The following ACBD3 variants were observed in gnomAD, a reference collection of about 807,000 sequenced individuals.
The protein encoded by ACBD3 is Golgi resident protein GCP60.
A neutral mutation model predicts 66.9 loss-of-function variants in ACBD3; 30 were observed. The observed-to-expected ratio is 0.45, with a 90% confidence interval of 0.34 to 0.61. The LOEUF (loss-of-function observed/expected upper bound fraction) is 0.61, where lower values mean the gene tolerates loss of function less well. Among genes scored for constraint, ACBD3 ranks in the 20% least tolerant of loss-of-function variants. The pLI is 0.02. For synonymous variants in ACBD3, 278 were observed against 259.8 expected (o/e 1.07, Z -0.68); for missense variants, 544 against 664.5 (o/e 0.82, Z 1.99).
intron 1 of ACBD3, among the ~76,000 whole-genome samples, chr1:226,178,574 C>CAAAGAAAAA (rs1656102502): frequency 1.2e-5 from 1 of 83,636 alleles, no homozygotes; most frequent in Non-Finnish European, 2.2e-5. Context: ...GACTCCGTCT[C>CAAAGAAAAA]AAAAAAAAAA....
chr1:226,161,447 C>T (rs1030016190), intron 4 of ACBD3, 84 bp downstream of exon 4: 28 of 1,579,732 alleles, frequency 1.8e-5, no homozygotes, highest in Admixed American at 9.4e-5. Flanking sequence ...CGTGAACCAC[C>T]ACACCTGGCC....
rs983283710 is a variant in ACBD3, at chr1:226,165,960, T to C, written c.327A>G (p.Lys109=). The change falls in exon 2 of 8, where the codon AAA becomes AAG. Residue 109 remains lysine, a synonymous_variant. Transcript: ENST00000366812. ...GCTTATGCAGTGCCACAAGCTTCAA[T>C]TTTTCTTCATAAGTTGGATGAAATG... is the stretch of plus-strand genomic sequence containing the variant. ...GKAFHPTYEE[K]LKLVALHKQV... 6.2e-7 allele frequency: 1 copy of C among 1,610,842 alleles called. No homozygotes were observed. Among genetic ancestry groups the C allele is most frequent in the Non-Finnish European group, 8.5e-7 (1 of 1,179,280 alleles).
chr1:226,154,626 A>C (rs1175373728), intron 6 of ACBD3, 21 bp downstream of exon 6: 50 of 1,598,272 alleles, frequency 3.1e-5, no homozygotes, highest in Non-Finnish European at 4.1e-5. Flanking sequence ...ACATCTGGAC[A>C]AACACATATG....
intron 7 of ACBD3, among the ~76,000 whole-genome samples, chr1:226,149,642 G>C (rs1357531624): frequency 7.1e-6 from 1 of 140,104 alleles, no homozygotes; most frequent in Non-Finnish European, 1.5e-5. Flanking sequence ...CTGGGCTCAA[G>C]CAATTTTCCC....
intron 1 of ACBD3, among the ~76,000 whole-genome samples, chr1:226,171,692 C>T (rs185879065): frequency 1.8e-4 from 27 of 151,490 alleles, no homozygotes; most frequent in African/African-American, 5.8e-4. Flanking sequence ...TGTGCGCCAC[C>T]GTGCCTGGCT....
chr1:226,161,656 C>T lies in ACBD3; in HGVS notation c.603G>A (p.Glu201=), dbSNP rs1461399313. Residue 201 remains glutamate, a synonymous_variant, in exon 4 of 8, where the codon GAG becomes GAA. Coordinates refer to ENST00000366812, the MANE Select transcript of ACBD3 (RefSeq NM_022735.4). ...KEEEERRRRE[E]EERERLQKEE... Reference sequence around the variant, plus strand: ...CCTTTTGCAGACGTTCTCTTTCTTCCTCTTCACGCCGCCTTCGCTCCTCTT... The same window carrying T: ...CCTTTTGCAGACGTTCTCTTTCTTCTTCTTCACGCCGCCTTCGCTCCTCTT... 7.5e-6 allele frequency: 12 copies of T among 1,608,980 alleles called. No homozygotes were observed. Among genetic ancestry groups the T allele is most frequent in the Non-Finnish European group, 1.0e-5 (12 of 1,177,536 alleles).
At chr1:226,172,174 G>GAAAAAAA (rs1558129674) in intron 1 of ACBD3, among the ~76,000 whole-genome samples, 1 of 56,586 alleles carries the variant, frequency 1.8e-5, no homozygotes. Context: ...AAAAAAAGAG[G>GAAAAAAA]AATACATTTT....
chr1:226,149,920 C>T (rs1289175705), intron 7 of ACBD3, among the ~76,000 whole-genome samples: 1 of 152,066 alleles, frequency 6.6e-6, no homozygotes, highest in Non-Finnish European at 1.5e-5. Context: ...GACAGTCTGA[C>T]TTTAATGAGT....
chr1:226,149,872 G>A (rs1052011169), intron 7 of ACBD3, among the ~76,000 whole-genome samples: 4 of 151,624 alleles, frequency 2.6e-5, no homozygotes, highest in Non-Finnish European at 4.4e-5. Flanking sequence ...ACAGTAATTT[G>A]TATGCATACA....
intron 3 of ACBD3, among the ~76,000 whole-genome samples, chr1:226,164,539 AG>A (rs1461383379): frequency 1.3e-5 from 2 of 152,172 alleles, no homozygotes; most frequent in East Asian, 1.9e-4. Flanking sequence ...ATAAAACAAA[AG>A]GAAGGCTGCC....
chr1:226,167,408 T>C (rs1011299242), intron 1 of ACBD3, among the ~76,000 whole-genome samples: 5 of 152,178 alleles, frequency 3.3e-5, no homozygotes, highest in East Asian at 1.9e-4. Context: ...TCAGAGGTAA[T>C]AGGATTATTA....
intron 1 of ACBD3, among the ~76,000 whole-genome samples, chr1:226,173,603 T>TA (rs1558130054): frequency 1.3e-5 from 2 of 151,748 alleles, no homozygotes; most frequent in African/African-American, 4.8e-5. Flanking sequence ...CACAGAAAAA[T>TA]AAAAATCCTT....
At chr1:226,168,889 C>T (rs781441875) in intron 1 of ACBD3, among the ~76,000 whole-genome samples, 25 of 152,326 alleles carry the variant, frequency 1.6e-4, no homozygotes, top group Admixed American at 2.0e-4. Flanking sequence ...GACGGAGTCT[C>T]GCTCTGTTGC....
intron 1 of ACBD3, among the ~76,000 whole-genome samples, chr1:226,177,485 C>T (rs973074983): frequency 6.6e-6 from 1 of 151,206 alleles, no homozygotes; most frequent in Non-Finnish European, 1.5e-5. Flanking sequence ...TATGAGCCAC[C>T]GTGCCCAGCC....
chr1:226,150,730 G>A (rs957604770), intron 7 of ACBD3, among the ~76,000 whole-genome samples: 6 of 152,078 alleles, frequency 3.9e-5, no homozygotes, highest in African/African-American at 1.4e-4. Context: ...TATTATTTAT[G>A]AGCAATGCTT....
At chr1:226,174,121 G>A (rs1655962698) in intron 1 of ACBD3, among the ~76,000 whole-genome samples, 2 of 151,900 alleles carry the variant, frequency 1.3e-5, no homozygotes, top group African/African-American at 4.8e-5. Context: ...TAGTTAGCAG[G>A]AAAATAATAA....
Position 226,161,563 on chromosome 1 carries a change from T to C in ACBD3, c.696A>G (p.Ile232Met). 3 of 1,614,012 alleles carry C rather than the reference T, an allele frequency of 1.9e-6. No homozygotes were observed. Among genetic ancestry groups the C allele is most frequent in the Non-Finnish European group, 2.5e-6 (3 of 1,180,010 alleles). Reference sequence around the variant, plus strand: ...GCTCCAACCGAAGCCTTTCTTCTTCTATCCGTCTCCTTTCCTCTTCCTCCC... The same window carrying C: ...GCTCCAACCGAAGCCTTTCTTCTTCCATCCGTCTCCTTTCCTCTTCCTCCC... ...LRREEEERRR[I>M]EEERLRLEQQ... The change falls in exon 4 of 8, where the codon ATA (isoleucine) becomes ATG (methionine). Residue 232 changes from isoleucine to methionine, a missense_variant. This residue lies in a region of ACBD3 where 383 missense variants were observed against 462.4 expected (regional missense o/e 0.83). Coordinates refer to ENST00000366812, the MANE Select transcript of ACBD3 (RefSeq NM_022735.4).
intron 1 of ACBD3, among the ~76,000 whole-genome samples, chr1:226,175,291 ATTTCCAAAGT>A (rs1656004561): frequency 1.3e-5 from 2 of 152,142 alleles, no homozygotes; most frequent in African/African-American, 4.8e-5. Context: ...AGGGGTGTGC[ATTTCCAAAGT>A]AATGGAATAA....
intron 1 of ACBD3, among the ~76,000 whole-genome samples, chr1:226,185,586 T>C (rs1173505526): frequency 6.6e-6 from 1 of 151,222 alleles, no homozygotes; most frequent in Non-Finnish European, 1.5e-5. Context: ...ATGTGATTGG[T>C]CTCTCCACCA....
Sources: allele counts gnomAD v4.1 joint callset (sites outside exome capture counted in the v4.1 genomes callset), GRCh38; gene constraint gnomAD v4.1.1; regional missense constraint gnomAD v4.1.1; transcripts MANE v1.5; gene names NCBI Gene and HGNC (gene_info 2026-07-23, HGNC 2026-07-21).